LPGAT1: variants seen among roughly 807,000 people sequenced by gnomAD.
LPGAT1 encodes lysophosphatidylglycerol acyltransferase 1, also known as acyl-CoA:lysophosphatidylglycerol acyltransferase 1.
LPGAT1 carries 11 observed loss-of-function variants against 47.5 expected under a neutral mutation model. The observed-to-expected ratio is 0.23, with a 90% CI of 0.15 to 0.38. The LOEUF (loss-of-function observed/expected upper bound fraction) is 0.38. Among genes scored for constraint, LPGAT1 ranks in the 10% least tolerant of loss-of-function variants. The probability of loss-of-function intolerance (pLI) is 1.00; values close to 1 mark genes in which losing one functional copy is unlikely to be tolerated. For synonymous variants in LPGAT1, 138 were observed against 144.2 expected (o/e 0.96, Z 0.31); for missense variants, 293 against 439.0 (o/e 0.67, Z 2.97).
chr1:211,766,387 C>T (rs917205071), intron 6 of LPGAT1, among the ~76,000 whole-genome samples: 8 of 152,118 alleles, frequency 5.3e-5, no homozygotes, highest in East Asian at 1.9e-4. Flanking sequence ...TGACTTACAA[C>T]GGGGTTACAT....
chr1:211,785,204 T>C (rs376321741), intron 4 of LPGAT1, among the ~76,000 whole-genome samples: 127 of 152,318 alleles, frequency 8.3e-4, no homozygotes, highest in African/African-American at 2.9e-3. Context: ...TTAGATCAAA[T>C]GTATCCCAAA....
intron 6 of LPGAT1, among the ~76,000 whole-genome samples, chr1:211,759,005 T>C (rs562200745): frequency 6.6e-6 from 1 of 152,352 alleles, no homozygotes; most frequent in Admixed American, 6.5e-5. Context: ...CTACTTTGAT[T>C]GATTTGAATT....
At chr1:211,813,512 T>C (rs1660070021) in intron 2 of LPGAT1, among the ~76,000 whole-genome samples, 1 of 152,154 alleles carries the variant, frequency 6.6e-6, no homozygotes. Context: ...AAGAGGCAAA[T>C]GAGGGTATTA....
At chr1:211,772,583 C>G (rs1234389138) in intron 6 of LPGAT1, among the ~76,000 whole-genome samples, 2 of 152,068 alleles carry the variant, frequency 1.3e-5, no homozygotes, top group Non-Finnish European at 2.9e-5. Flanking sequence ...ATATTCAGGT[C>G]TTTCATGTTT....
chr1:211,768,110 T>C (rs1011448659), intron 6 of LPGAT1, among the ~76,000 whole-genome samples: 2 of 152,310 alleles, frequency 1.3e-5, no homozygotes, highest in African/African-American at 4.8e-5. Flanking sequence ...TTTTAAATTA[T>C]GGATAAAACA....
chr1:211,771,628 C>T (rs1658176048), intron 6 of LPGAT1, among the ~76,000 whole-genome samples: 1 of 151,954 alleles, frequency 6.6e-6, no homozygotes. Context: ...CTCAGCCTCC[C>T]GAGTAGCTGG....
intron 6 of LPGAT1, among the ~76,000 whole-genome samples, chr1:211,770,545 A>G (rs1421122713): frequency 6.6e-6 from 1 of 152,228 alleles, no homozygotes; most frequent in Admixed American, 6.5e-5. Flanking sequence ...GACTGCATAT[A>G]TGACAATGGT....
intron 6 of LPGAT1, among the ~76,000 whole-genome samples, chr1:211,768,211 T>C (rs1311368276): frequency 6.6e-6 from 1 of 152,230 alleles, no homozygotes; most frequent in Non-Finnish European, 1.5e-5. Flanking sequence ...TATTAAATGG[T>C]ATGCATTTGA....
chr1:211,765,581 TAAG>T (rs1307433574), intron 6 of LPGAT1, among the ~76,000 whole-genome samples: 2 of 152,156 alleles, frequency 1.3e-5, no homozygotes, highest in East Asian at 1.9e-4. Flanking sequence ...TGCTAGACCT[TAAG>T]AAGACCTAAA....
intron 3 of LPGAT1, among the ~76,000 whole-genome samples, chr1:211,788,403 C>A (rs1195818435): frequency 6.6e-6 from 1 of 152,118 alleles, no homozygotes; most frequent in African/African-American, 2.4e-5. Context: ...AAACTACAGG[C>A]CAGGCACAGT....
intron 6 of LPGAT1, among the ~76,000 whole-genome samples, chr1:211,753,918 T>C (rs1045429842): frequency 6.6e-6 from 1 of 152,302 alleles, no homozygotes. Context: ...GGCTGGGCCA[T>C]TAAAATTGGT....
intron 6 of LPGAT1, among the ~76,000 whole-genome samples, chr1:211,755,990 C>T (rs1657431453): frequency 6.6e-6 from 1 of 152,176 alleles, no homozygotes; most frequent in African/African-American, 2.4e-5. Context: ...ATAATCTCAG[C>T]ACTTTGGGAG....
At position 211,770,623 on chromosome 1, in the gene LPGAT1, T is replaced by C. The variant is rs898313652; in HGVS notation, c.854+8295A>G. Among the ~76,000 whole-genome samples the C allele has an allele frequency of 2.0e-5, 3 of 152,188 alleles. No homozygotes were observed. In the East Asian group the frequency reaches 5.8e-4, roughly 29 times the overall value. ...TGATGTCATAGTCATTGTAATGCCA[T>C]AGCACAATTACTTTATTTTTAAAAT... On this transcript the variant is annotated intron_variant, in intron 6 of 7. Transcript: ENST00000366997.
At position 211,750,983 on chromosome 1, in the gene LPGAT1, G is replaced by A; in HGVS notation, c.939C>T (p.Leu313=). Residue 313 remains leucine, a synonymous_variant, in exon 7 of 8, where the codon CTC becomes CTT. Coordinates refer to ENST00000366997, the MANE Select transcript of LPGAT1 (RefSeq NM_014873.3). The stretch of plus-strand genomic sequence containing the variant: ...TACCTGTTTCATAAAAATGTGATAA[G>A]AGGTCTTCTTTTTCAACAAACCGCT... The part of the protein sequence containing the change: ...LYQRFVEKED[L]LSHFYETGAF... 6.2e-7 allele frequency: 1 copy of A among 1,612,810 alleles called. No homozygotes were observed. The highest frequency in any genetic ancestry group is 2.2e-5 in the East Asian group (1 of 44,846).
chr1:211,757,041 G>A (rs1199268936), intron 6 of LPGAT1, among the ~76,000 whole-genome samples: 1 of 151,786 alleles, frequency 6.6e-6, no homozygotes, highest in Non-Finnish European at 1.5e-5. Context: ...GGCAGATCAC[G>A]AGGTCAGGAG....
At chr1:211,824,094 A>C (rs1209925619) in intron 2 of LPGAT1, among the ~76,000 whole-genome samples, 1 of 152,136 alleles carries the variant, frequency 6.6e-6, no homozygotes, top group Non-Finnish European at 1.5e-5. Flanking sequence ...AGAACCAGGA[A>C]AGGAAAAAGA....
At chr1:211,767,674 GTGA>G (rs1657975151) in intron 6 of LPGAT1, among the ~76,000 whole-genome samples, 2 of 152,086 alleles carry the variant, frequency 1.3e-5, no homozygotes, top group African/African-American at 4.8e-5. Flanking sequence ...TAAAAAACAA[GTGA>G]TGATAAGAAA....
At chr1:211,779,699 A>C (rs1205883474) in intron 5 of LPGAT1, among the ~76,000 whole-genome samples, 1 of 152,016 alleles carries the variant, frequency 6.6e-6, no homozygotes, top group Non-Finnish European at 1.5e-5. Context: ...AAAAATACAA[A>C]AAATTAGCCG....
Position 211,749,990 on chromosome 1 carries a change from T to C in LPGAT1, c.1022A>G (p.Asn341Ser), listed in dbSNP as rs745589548. ...AGACTGTATGAGAAATATCCACAAG[T>C]TGCTGAGGGTCATCTCCCTGGAAAC... ...EAVSREMTLSNLWIFLIQSFA... is the reference protein window; with the variant it reads ...EAVSREMTLSSLWIFLIQSFA... Residue 341 changes from asparagine to serine, a missense_variant, in exon 8 of 8, where the codon AAC becomes AGC. Transcript: ENST00000366997. The C allele has an allele frequency of 6.8e-6, 11 of 1,613,994 alleles. No individual in the cohort carries two copies. The highest frequency in any genetic ancestry group is 9.3e-6 in the Non-Finnish European group (11 of 1,179,970).
Sources: gnomAD v4.1 joint callset for allele counts (sites outside exome capture counted in the v4.1 genomes callset) on GRCh38, gnomAD v4.1.1 for gene constraint, MANE v1.5 for transcripts, NCBI Gene and HGNC (gene_info 2026-07-23, HGNC 2026-07-21) for gene names.